Variants in CFAP299 observed in about 807,000 individuals in gnomAD.
The protein encoded by CFAP299 is cilia and flagella associated protein 299, also known as cilia- and flagella-associated protein 299.
In CFAP299, 21 loss-of-function variants were observed where a neutral mutation model predicts 27.0. The ratio of observed to expected loss-of-function variants is 0.78; its 90% CI spans 0.55 to 1.12. The LOEUF is 1.12. CFAP299 is among the 50% of genes most tolerant of loss of function. The pLI is 0.00. For missense variants in CFAP299, 310 were observed against 276.6 expected (o/e 1.12, Z -0.86); for synonymous variants, 104 against 98.1 (o/e 1.06, Z -0.36).
chr4:80,919,730 T>G (rs1390114291), intron 4 of CFAP299, among the ~76,000 whole-genome samples: 5 of 152,176 alleles, frequency 3.3e-5, no homozygotes, highest in South Asian at 2.1e-4. Flanking sequence ...ACATTAAGTG[T>G]AAATTATTCC....
intron 3 of CFAP299, among the ~76,000 whole-genome samples, chr4:80,856,603 G>C (rs34150373): frequency 0.12 from 17,291 of 149,860 alleles, 978 homozygotes; most frequent in Middle Eastern, 0.23. Context: ...AAGGGATCGA[G>C]TTTCAGCTTT....
intron 2 of CFAP299, among the ~76,000 whole-genome samples, chr4:80,561,536 T>C (rs1262755017): frequency 6.6e-6 from 1 of 152,070 alleles, no homozygotes; most frequent in Non-Finnish European, 1.5e-5. Flanking sequence ...AATAGCTGTA[T>C]TGAGGAAACT....
At chr4:80,430,738 T>A (rs1727772902) in intron 2 of CFAP299, among the ~76,000 whole-genome samples, 1 of 152,162 alleles carries the variant, frequency 6.6e-6, no homozygotes, top group Non-Finnish European at 1.5e-5. Context: ...AGGTTTCCAT[T>A]CAGTACATGG....
intron 2 of CFAP299, among the ~76,000 whole-genome samples, chr4:80,382,743 A>G (rs1724770551): frequency 6.6e-6 from 1 of 152,204 alleles, no homozygotes; most frequent in African/African-American, 2.4e-5. Flanking sequence ...AATTAGTTCA[A>G]CCATTGTGGA....
chr4:80,559,479 A>G lies in CFAP299; in HGVS notation c.243-23614A>G, dbSNP rs1734937633. 3.3e-5 allele frequency among the ~76,000 whole-genome samples: 5 copies of G among 152,240 alleles called. No homozygotes were observed. In the Middle Eastern group the frequency reaches 0.01, roughly 311 times the overall value. The stretch of plus-strand genomic sequence containing the variant: ...GCCAAAAGACACCAAGTTAACAACT[A>G]CCTCCACAGAAAAAAAGCGCCTGTG... On this transcript the variant is annotated intron_variant, in intron 2 of 5. Transcript: ENST00000358105.
In CFAP299 at chr4:80,596,092, G is replaced by A. The variant is rs181193905; in HGVS notation, c.333+12909G>A. ...AAAGAGGGAAAGAGGGATTGGAGAA[G>A]GAGGGAGAGAGGAAGGAAGGGAAGG... On this transcript the variant is annotated intron_variant, in intron 3 of 5. Transcript: ENST00000358105. Among the ~76,000 whole-genome samples the A allele has an allele frequency of 2.4e-3, 369 of 152,214 alleles. 1 individual carries two copies. Among genetic ancestry groups the A allele is most frequent in the African/African-American group, 8.4e-3 (350 of 41,548 alleles).
chr4:80,335,916 C>T (rs780173207), intron 1 of CFAP299, 37 bp downstream of exon 1: 1 of 1,322,358 alleles, frequency 7.6e-7, no homozygotes, highest in Non-Finnish European at 1.1e-6. Context: ...CGCCGCCGCG[C>T]GTCCCTCGGT....
intron 3 of CFAP299, chr4:80,639,591 G>A (rs750706860): frequency 6.6e-5 from 10 of 152,474 alleles, no homozygotes; most frequent in Non-Finnish European, 1.0e-4. Flanking sequence ...GGTACCTAGA[G>A]TAGTTAAATT....
At chr4:80,546,239 C>T (rs1365329236) in intron 2 of CFAP299, among the ~76,000 whole-genome samples, 2 of 152,046 alleles carry the variant, frequency 1.3e-5, no homozygotes, top group Admixed American at 6.6e-5. Context: ...ATAGACCCTA[C>T]CAGAAGGCTT....
At chr4:80,888,380 G>T (rs1472647347) in intron 4 of CFAP299, among the ~76,000 whole-genome samples, 2 of 151,932 alleles carry the variant, frequency 1.3e-5, no homozygotes, top group Non-Finnish European at 2.9e-5. Flanking sequence ...AAAAGTGTGA[G>T]ACAAAGAAGA....
chr4:80,800,496 A>AT (rs1383451037), intron 3 of CFAP299, among the ~76,000 whole-genome samples: 463 of 2,250 alleles, frequency 0.21, 37 homozygotes, highest in South Asian at 0.5. Context: ...TATATAATAT[A>AT]TAATATATTA....
intron 1 of CFAP299, among the ~76,000 whole-genome samples, chr4:80,341,510 C>G (rs533646572): frequency 6.6e-6 from 1 of 152,140 alleles, no homozygotes; most frequent in Non-Finnish European, 1.5e-5. Context: ...TGTTTCACAG[C>G]CTTCACTGGT....
At position 80,641,725 on chromosome 4, in the gene CFAP299, A is replaced by C. The variant is rs575681855; in HGVS notation, c.333+58542A>C. Among the ~76,000 whole-genome samples, 133 of 152,354 alleles carry C rather than the reference A, an allele frequency of 8.7e-4. No homozygotes were observed. The Middle Eastern group carries it at 0.01, about 12-fold the overall frequency. Reference sequence around the variant, plus strand: ...ATGATAATTAGAAAGACTACACGGGACATCACATGGACGTGATCTAAGTGA... The same window carrying C: ...ATGATAATTAGAAAGACTACACGGGCCATCACATGGACGTGATCTAAGTGA... On this transcript the variant is annotated intron_variant, in intron 3 of 5. Transcript: ENST00000358105.
chr4:80,854,911 G>C (rs1731756119), intron 3 of CFAP299, among the ~76,000 whole-genome samples: 1 of 147,906 alleles, frequency 6.8e-6, no homozygotes. Flanking sequence ...CAAGAAATTT[G>C]AAGTGCTAAA....
chr4:80,865,286 A>G (rs6826305), intron 3 of CFAP299, among the ~76,000 whole-genome samples: 4,603 of 152,296 alleles, frequency 0.03, 235 homozygotes, highest in African/African-American at 0.1. Context: ...TTAACTCTGG[A>G]GCAAAATATG....
chr4:80,456,575 C>G (rs1266879435), intron 2 of CFAP299, among the ~76,000 whole-genome samples: 1 of 152,044 alleles, frequency 6.6e-6, no homozygotes, highest in Non-Finnish European at 1.5e-5. Context: ...TCAAGGATGA[C>G]TTTGGTTTTA....
chr4:80,939,296 T>C (rs139453102), intron 4 of CFAP299, among the ~76,000 whole-genome samples: 170 of 152,320 alleles, frequency 1.1e-3, no homozygotes, highest in African/African-American at 4.0e-3. Context: ...CTGGAACTCT[T>C]ATACTACATA....
intron 1 of CFAP299, among the ~76,000 whole-genome samples, chr4:80,337,698 C>T (rs916250842): frequency 6.6e-6 from 1 of 152,048 alleles, no homozygotes. Context: ...ACACCCAGCC[C>T]ATCAATCAGA....
chr4:80,841,921 C>T (rs1238402486), intron 3 of CFAP299, among the ~76,000 whole-genome samples: 2 of 152,158 alleles, frequency 1.3e-5, no homozygotes, highest in East Asian at 1.9e-4. Context: ...GAAGACAACC[C>T]GGGATATCTT....
Sources: gnomAD v4.1 joint callset for allele counts (sites outside exome capture counted in the v4.1 genomes callset) on GRCh38, gnomAD v4.1.1 for gene constraint, MANE v1.5 for transcripts, NCBI Gene and HGNC (gene_info 2026-07-23, HGNC 2026-07-21) for gene names.